Variants in KANSL1 observed in about 807,000 individuals in gnomAD.
KANSL1 encodes KAT8 regulatory NSL complex subunit 1, also known as MLL1/MLL complex subunit KANSL1.
Under a neutral mutation model 103.6 loss-of-function variants are expected in KANSL1, and 22 were observed. That is an observed-to-expected ratio of 0.21 (90% CI 0.15 to 0.30). The LOEUF (loss-of-function observed/expected upper bound fraction) is 0.30, where lower values mean the gene tolerates loss of function less well. KANSL1 is among the 10% of genes least tolerant of loss of function. The pLI, the probability that KANSL1 is intolerant of heterozygous loss-of-function variation, is 1.00. For synonymous variants in KANSL1, 600 were observed against 527.6 expected, an observed-to-expected ratio of 1.14 and a Z score of -1.88; for missense variants, 1,337 against 1,399.8, an observed-to-expected ratio of 0.96 and a Z score of 0.72.
chr17:46,113,404 C>A (rs2042907205), intron 2 of KANSL1, among the ~76,000 whole-genome samples: 1 of 152,140 alleles, frequency 6.6e-6, no homozygotes, highest in African/African-American at 2.4e-5. Flanking sequence ...CATGACCCAG[C>A]ATTTAAAAAA....
At chr17:46,035,673 A>T (rs1292691316) in intron 10 of KANSL1, 1 of 152,186 alleles carries the variant, frequency 6.6e-6, no homozygotes, top group Non-Finnish European at 1.5e-5. Flanking sequence ...GAAATTATAC[A>T]TCCCACTACA....
intron 2 of KANSL1, among the ~76,000 whole-genome samples, chr17:46,115,211 C>T (rs950862181): frequency 6.6e-6 from 1 of 150,808 alleles, no homozygotes; most frequent in African/African-American, 2.4e-5. Context: ...ACGCGCCTGC[C>T]ACCACACCCA....
At chr17:46,216,269 C>T (rs143303758) in intron 1 of KANSL1, among the ~76,000 whole-genome samples, 1 of 152,218 alleles carries the variant, frequency 6.6e-6, no homozygotes, top group African/African-American at 2.4e-5. Flanking sequence ...CAAGGGAAGG[C>T]AAATACTAAT....
chr17:46,034,256 C>T lies in KANSL1; in HGVS notation c.2571G>A (p.Glu857=), dbSNP rs760065547. 6.2e-6 allele frequency: 10 copies of T among 1,613,782 alleles called. No individual in the cohort carries two copies. The highest frequency in any genetic ancestry group is 8.5e-6 in the Non-Finnish European group (10 of 1,179,930). ...SQQPVRRRRG[E]SSFDINNIVI... ...CAATGTTGTTAATATCAAATGAGCT[C>T]TCTCCCCTTCTCCTCCTTACTGGCT... Residue 857 remains glutamate, a synonymous_variant, in exon 11 of 15, where the codon GAG becomes GAA. Coordinates refer to ENST00000432791, the MANE Select transcript of KANSL1 (RefSeq NM_015443.4).
At position 46,193,322 on chromosome 17, in the gene KANSL1, G is replaced by A. The variant is rs1019514179; in HGVS notation, c.-589C>T. The A allele has an allele frequency of 5.1e-5, 8 of 157,466 alleles. No individual in the cohort carries two copies. The highest frequency in any genetic ancestry group is 9.6e-5 in the Non-Finnish European group (7 of 73,088). 9.8% of individuals were successfully genotyped at this position (157,466 alleles called of 1,614,324 possible). On this transcript the variant is annotated 5_prime_UTR_variant, in exon 1 of 15. Transcript: ENST00000432791. ...CGAGTCGGCTTCGCTACGGTGCTCG[G>A]TTCTCCCGCCGGCTCGGCGAGCGGT...
chr17:46,205,381 A>G (rs78220218), intron 1 of KANSL1, among the ~76,000 whole-genome samples: 1 of 146,716 alleles, frequency 6.8e-6, no homozygotes, highest in South Asian at 2.1e-4. Context: ...TCCCCCCGCC[A>G]AAAAAAAAAG....
At chr17:46,139,116 T>A (rs2044293646) in intron 2 of KANSL1, among the ~76,000 whole-genome samples, 1 of 152,232 alleles carries the variant, frequency 6.6e-6, no homozygotes, top group South Asian at 2.1e-4. Flanking sequence ...CTTTCATTGC[T>A]GCTCTATCCC....
At position 46,204,857 on chromosome 17, in the gene KANSL1, T is replaced by C. The variant is rs1280559291; in HGVS notation, c.-90+18814A>G. 3.9e-5 allele frequency among the ~76,000 whole-genome samples: 6 copies of C among 152,332 alleles called. No homozygotes were observed. In the South Asian group the frequency reaches 1.2e-3, roughly 32 times the overall value. ...GATACAAACCACATGATCATTTGAA[T>C]AGATGCAGAAAAAGCACTTAACAAA... is the stretch of plus-strand genomic sequence containing the variant. On this transcript the variant is annotated intron_variant, in intron 1 of 14. Coordinates refer to the KANSL1 transcript ENST00000572904.
At chr17:46,135,540 A>T in intron 2 of KANSL1, among the ~76,000 whole-genome samples, 1 of 126,110 alleles carries the variant, frequency 7.9e-6, no homozygotes, top group Non-Finnish European at 1.6e-5. Flanking sequence ...CCTCAACTAT[A>T]CATTTTTTTT....
intron 2 of KANSL1, among the ~76,000 whole-genome samples, chr17:46,099,812 G>T (rs550678338): frequency 6.6e-6 from 1 of 152,208 alleles, no homozygotes; most frequent in African/African-American, 2.4e-5. Flanking sequence ...TTTTCAACTC[G>T]TATTTTGCTC....
chr17:46,039,570 T>C (rs2077251893), intron 8 of KANSL1, 132 bp downstream of exon 8: 9 of 955,076 alleles, frequency 9.4e-6, no homozygotes, highest in Non-Finnish European at 1.4e-5. Flanking sequence ...AAGCAGTCAC[T>C]GTGAGCTGAA....
intron 6 of KANSL1, among the ~76,000 whole-genome samples, chr17:46,058,999 G>A (rs570831900): frequency 2.7e-5 from 4 of 148,910 alleles, no homozygotes; most frequent in Admixed American, 6.8e-5. Flanking sequence ...GTGAGCCAAG[G>A]ATGTGCCACT....
At chr17:46,164,910 T>C (rs985809536) in intron 2 of KANSL1, among the ~76,000 whole-genome samples, 1 of 152,232 alleles carries the variant, frequency 6.6e-6, no homozygotes, top group Non-Finnish European at 1.5e-5. Flanking sequence ...TCCTGGCTGA[T>C]GTTCCTCCCA....
At chr17:46,036,185 C>G (rs1401698440) in intron 10 of KANSL1, among the ~76,000 whole-genome samples, 1 of 152,176 alleles carries the variant, frequency 6.6e-6, no homozygotes, top group Admixed American at 6.5e-5. Context: ...GAGCTACAGG[C>G]ATGCAATATC....
At chr17:46,196,492 C>T (rs538087082), upstream of KANSL1, 17 of 453,996 alleles carry the variant, frequency 3.7e-5, no homozygotes, top group African/African-American at 3.0e-4. Context: ...ACAGTGACAC[C>T]TCAAACTGCT....
intron 2 of KANSL1, among the ~76,000 whole-genome samples, chr17:46,105,941 AC>A (rs2042537838): frequency 2.6e-4 from 20 of 76,336 alleles, no homozygotes; most frequent in Non-Finnish European, 4.4e-4. Context: ...ACACACACAC[AC>A]ACACACCCCC....
At chr17:46,100,444 C>CAAAAAA (rs369274727) in intron 2 of KANSL1, among the ~76,000 whole-genome samples, 30 of 88,264 alleles carry the variant, frequency 3.4e-4, no homozygotes, top group Non-Finnish European at 5.0e-4. Flanking sequence ...TCCCTCTCCC[C>CAAAAAA]AAAAAAAAAA....
intron 13 of KANSL1, 49 bp downstream of exon 13, chr17:46,033,031 T>C (rs967266072): frequency 2.1e-6 from 3 of 1,441,436 alleles, no homozygotes; most frequent in South Asian, 1.3e-5. Context: ...CCAAACTCCC[T>C]GTCCACCCTC....
chr17:46,137,529 A>G (rs1222359053), intron 2 of KANSL1, among the ~76,000 whole-genome samples: 1 of 152,234 alleles, frequency 6.6e-6, no homozygotes, highest in Non-Finnish European at 1.5e-5. Flanking sequence ...CAATTGTCAT[A>G]AAAGTTTTCA....
Sources: gnomAD v4.1 joint callset for allele counts (sites outside exome capture counted in the v4.1 genomes callset) on GRCh38, gnomAD v4.1.1 for gene constraint, MANE v1.5 for transcripts, NCBI Gene and HGNC (gene_info 2026-07-23, HGNC 2026-07-21) for gene names.